Variants in SPG11 observed in about 807,000 individuals in gnomAD.
The protein encoded by SPG11 is SPG11 vesicle trafficking associated, spatacsin, also known as spatacsin.
Under a neutral mutation model 274.0 loss-of-function variants are expected in SPG11, and 222 were observed. The ratio of observed to expected loss-of-function variants is 0.81; its 90% CI spans 0.73 to 0.91. The LOEUF (loss-of-function observed/expected upper bound fraction) is 0.91. Among genes scored for constraint, SPG11 ranks in the 40% least tolerant of loss-of-function variants. SPG11 has a pLI of 0.00. For missense variants in SPG11, 3,114 were observed against 2,872.7 expected, an observed-to-expected ratio of 1.08 and a Z score of -1.92; for synonymous variants, 1,144 against 1,039.7, an observed-to-expected ratio of 1.10 and a Z score of -1.93.
chr15:44,656,358 A>G (rs563676707), intron 4 of SPG11, among the ~76,000 whole-genome samples: 1 of 152,350 alleles, frequency 6.6e-6, no homozygotes, highest in South Asian at 2.1e-4. Context: ...TCAGGGTTGA[A>G]ATTTTGCCAG....
intron 1 of SPG11, among the ~76,000 whole-genome samples, chr15:44,662,231 A>C (rs932867619): frequency 6.6e-6 from 1 of 152,234 alleles, no homozygotes; most frequent in African/African-American, 2.4e-5. Flanking sequence ...AGACAAACCC[A>C]GAAGAGTTAA....
Position 44,651,944 on chromosome 15 carries a change from A to C in SPG11, c.1008-5T>G, listed in dbSNP as rs759451349. ...GATAGCTGGGCTTTCCAAGACCTGG[A>C]AACAAGGTAAAATATAACTTAACAC... On this transcript the variant is annotated splice_region_variant and splice_polypyrimidine_tract_variant and intron_variant, in intron 5 of 39. Transcript: ENST00000261866. 13 of 1,608,582 alleles carry C rather than the reference A, an allele frequency of 8.1e-6. No homozygotes were observed. The highest frequency in any genetic ancestry group is 1.1e-5 in the Non-Finnish European group (13 of 1,178,836).
At position 44,663,594 on chromosome 15, in the gene SPG11, G is replaced by A. The variant is rs1566838772; in HGVS notation, c.54C>T (p.Gly18=). Residue 18 remains glycine (G), a synonymous_variant, in exon 1 of 40, where the codon GGC becomes GGT. Transcript: ENST00000261866. The stretch of plus-strand genomic sequence containing the variant: ...GTAGAACCCGCCCCATGGCCGCGGT[G>A]CCCCAGCTACCGCCGGCGGAAGCAG... The part of the protein sequence containing the change: ...ASAASAGGSW[G]TAAMGRVLPM... 1 of 1,596,568 alleles carries A rather than the reference G, an allele frequency of 6.3e-7. No homozygotes were observed. The highest frequency in any genetic ancestry group is 1.7e-5 in the Admixed American group (1 of 58,644).
At position 44,570,507 on chromosome 15, in the gene SPG11, G is replaced by A. The variant is rs770736243; in HGVS notation, c.6477+18C>T. ...AGGTTTCCACAGGATGGAGACTGGG[G>A]TTGAGGGGGCTACTTACCACCAGCC... On this transcript the variant is annotated intron_variant, in intron 34 of 39. Coordinates refer to ENST00000261866, the MANE Select transcript of SPG11 (RefSeq NM_025137.4). 56 of 1,614,006 alleles carry A rather than the reference G, an allele frequency of 3.5e-5. No homozygotes were observed. In the South Asian group the frequency reaches 5.2e-4, roughly 15 times the overall value.
In SPG11 at chr15:44,565,844, T is replaced by TCTTGCTCACCTGGTAGAACCGAGGTAG; in HGVS notation, c.6982_6999+9dup. ...TAGCAGTGCTGGCTACAGTTTGCTT[T>TCTTGCTCACCTGGTAGAACCGAGGTAG]CTTGCTCACCTGGTAGAACCGAGGT... On this transcript the variant is annotated intron_variant, in intron 38 of 39. Coordinates refer to ENST00000261866, the MANE Select transcript of SPG11 (RefSeq NM_025137.4). 1 of 1,614,056 alleles carries TCTTGCTCACCTGGTAGAACCGAGGTAG rather than the reference T, an allele frequency of 6.2e-7. No individual in the cohort carries two copies. Among genetic ancestry groups the TCTTGCTCACCTGGTAGAACCGAGGTAG allele is most frequent in the Non-Finnish European group, 8.5e-7 (1 of 1,180,012 alleles).
intron 19 of SPG11, among the ~76,000 whole-genome samples, chr15:44,606,464 A>T (rs990529255): frequency 3.3e-5 from 5 of 152,214 alleles, no homozygotes; most frequent in Admixed American, 6.5e-5. Context: ...TAAACATGAT[A>T]AGATGAGCAA....
chr15:44,573,366 ACATGTATTTTGTAAAAAATAAAG>A (rs1351467746), intron 32 of SPG11, 158 bp downstream of exon 32: 14 of 680,328 alleles, frequency 2.1e-5, no homozygotes, highest in African/African-American at 1.6e-4. Context: ...TGTATTTTGT[ACATGTATTTTGTAAAAAATAAAG>A]CATGTATTTT....
At chr15:44,662,627 C>A (rs2085147146) in intron 1 of SPG11, among the ~76,000 whole-genome samples, 1 of 145,896 alleles carries the variant, frequency 6.9e-6, no homozygotes, top group South Asian at 2.2e-4. Context: ...ACACTCCAGC[C>A]TGGGCGACAG....
intron 1 of SPG11, among the ~76,000 whole-genome samples, chr15:44,660,929 A>G (rs2085086648): frequency 6.6e-6 from 1 of 152,174 alleles, no homozygotes; most frequent in South Asian, 2.1e-4. Context: ...TGTCATGATC[A>G]AGGGTAGGTA....
chr15:44,589,122 G>A, intron 28 of SPG11, 130 bp downstream of exon 28: 1 of 869,730 alleles, frequency 1.1e-6, no homozygotes, highest in Non-Finnish European at 1.8e-6. Context: ...TCTGTAACTT[G>A]TTTACTCCCA....
intron 7 of SPG11, among the ~76,000 whole-genome samples, chr15:44,641,468 T>G (rs1265769373): frequency 6.6e-6 from 1 of 151,678 alleles, no homozygotes; most frequent in East Asian, 1.9e-4. Flanking sequence ...CAACAAAGAA[T>G]TGGTATCTAG....
intron 26 of SPG11, 60 bp from the exon 27 acceptor site, chr15:44,592,498 T>A: frequency 3.2e-6 from 3 of 945,930 alleles, no homozygotes; most frequent in Non-Finnish European, 5.2e-6. Flanking sequence ...TTTCAATGAA[T>A]AATGCCAAAT....
At chr15:44,581,863 G>C (rs1595840035) in intron 30 of SPG11, among the ~76,000 whole-genome samples, 1 of 152,032 alleles carries the variant, frequency 6.6e-6, no homozygotes, top group East Asian at 1.9e-4. Flanking sequence ...GGAAAGTTAA[G>C]GATGTACACT....
rs2141106099 is a variant in SPG11, at chr15:44,651,576, G to A, written c.1371C>T (p.Thr457=). Residue 457 remains threonine, a synonymous_variant, in exon 6 of 40, where the codon ACC becomes ACT. Coordinates refer to ENST00000261866, the MANE Select transcript of SPG11 (RefSeq NM_025137.4). ...GYTITLWDLE[T]QGMQCFSLGT... ...CAAGGGAAAAACACTGCATGCCCTG[G>A]GTCTCCAAATCCCAGAGGGTAATGG... The A allele has an allele frequency of 1.2e-6, 2 of 1,614,136 alleles. No individual in the cohort carries two copies. Among genetic ancestry groups the A allele is most frequent in the Non-Finnish European group, 1.7e-6 (2 of 1,180,006 alleles).
intron 19 of SPG11, among the ~76,000 whole-genome samples, chr15:44,607,176 C>T (rs528236628): frequency 2.6e-5 from 4 of 152,224 alleles, no homozygotes; most frequent in Non-Finnish European, 5.9e-5. Context: ...AATCTCACCA[C>T]GTTCCAGCAA....
rs2082400958 is a variant in SPG11 at position 44,570,547 on chromosome 15, G to A, written c.6455C>T (p.Pro2152Leu). The change falls in exon 34 of 40, where the codon CCC (proline) becomes CTC (leucine). Residue 2152 changes from proline (P) to leucine (L), a missense_variant. Physicochemically the swap from Pro to Leu is moderately conservative, Grantham distance 98. Coordinates refer to ENST00000261866, the MANE Select transcript of SPG11 (RefSeq NM_025137.4). ...AHMLTDNHLA[P>L]SEEYGLVVRL... The stretch of plus-strand genomic sequence containing the variant: ...TACCACCAGCCCATACTCCTCACTG[G>A]GGGCCAGGTGGTTATCTGTGAGCAT... 6.2e-7 allele frequency: 1 copy of A among 1,614,070 alleles called. No individual in the cohort carries two copies. Among genetic ancestry groups the A allele is most frequent in the South Asian group, 1.1e-5 (1 of 91,078 alleles).
chr15:44,620,609 G>A (rs1595889301), intron 14 of SPG11: 4 of 513,446 alleles, frequency 7.8e-6, no homozygotes, highest in African/African-American at 3.9e-5. Flanking sequence ...TGGTGCACTC[G>A]TGGCAGCCTC....
chr15:44,597,542 G>A (rs2083077177), intron 23 of SPG11, among the ~76,000 whole-genome samples: 1 of 152,164 alleles, frequency 6.6e-6, no homozygotes, highest in East Asian at 1.9e-4. Context: ...GGAGAACTGA[G>A]GAAGTTGTCA....
intron 19 of SPG11, 77 bp downstream of exon 19, chr15:44,608,367 T>G (rs1890511914): frequency 1.3e-6 from 2 of 1,495,662 alleles, no homozygotes; most frequent in Middle Eastern, 3.7e-4. Context: ...TGCCCTCCGG[T>G]TGAAAGATCT....
Sources: gnomAD v4.1 joint callset for allele counts (sites outside exome capture counted in the v4.1 genomes callset) on GRCh38, gnomAD v4.1.1 for gene constraint, MANE v1.5 for transcripts, NCBI Gene and HGNC (gene_info 2026-07-23, HGNC 2026-07-21) for gene names.